IFNG-AS1: variants seen among roughly 807,000 people sequenced by gnomAD.
IFNG-AS1 encodes the protein IFNG regulatory antisense RNA 1.
chr12:68,002,087 A>G (rs1879782006), intron 2 of IFNG-AS1, among the ~76,000 whole-genome samples: 1 of 152,234 alleles, frequency 6.6e-6, no homozygotes, highest in South Asian at 2.1e-4. Flanking sequence ...AATGTTTGAG[A>G]AAAATATTAC....
At chr12:68,014,743 C>T (rs1880107112) in intron 3 of IFNG-AS1, among the ~76,000 whole-genome samples, 1 of 151,992 alleles carries the variant, frequency 6.6e-6, no homozygotes, top group African/African-American at 2.4e-5. Flanking sequence ...CTGGCCAAGC[C>T]TCCACAATCA....
At chr12:68,001,114 T>C (rs1879757430) in intron 2 of IFNG-AS1, among the ~76,000 whole-genome samples, 2 of 152,162 alleles carry the variant, frequency 1.3e-5, no homozygotes, top group Non-Finnish European at 2.9e-5. Context: ...TGCACATACA[T>C]ACAAACACAC....
intron 3 of IFNG-AS1, chr12:68,013,504 C>T (rs1283023042): frequency 6.6e-6 from 1 of 152,168 alleles, no homozygotes; most frequent in South Asian, 2.1e-4. Flanking sequence ...TTAATTTCAC[C>T]TACTGATCTA....
At chr12:67,997,594 G>T (rs180696628) in intron 2 of IFNG-AS1, among the ~76,000 whole-genome samples, 89 of 151,064 alleles carry the variant, frequency 5.9e-4, no homozygotes, top group East Asian at 4.8e-3. Context: ...TATAGGGAAA[G>T]ATTTTCTAAC....
intron 1 of IFNG-AS1, among the ~76,000 whole-genome samples, chr12:67,989,759 G>T (rs71452366): frequency 6.6e-6 from 1 of 152,176 alleles, no homozygotes; most frequent in African/African-American, 2.4e-5. Flanking sequence ...GGGTGGAGAG[G>T]AGGAAGGAGA....
chr12:67,993,237 C>T (rs1282417241), intron 1 of IFNG-AS1, among the ~76,000 whole-genome samples: 1 of 152,138 alleles, frequency 6.6e-6, no homozygotes, highest in Non-Finnish European at 1.5e-5. Flanking sequence ...GAAAATCACC[C>T]TCTGTTTTTT....
At chr12:68,006,182 A>C (rs1379992871) in intron 3 of IFNG-AS1, 1 of 152,252 alleles carries the variant, frequency 6.6e-6, no homozygotes, top group Non-Finnish European at 1.5e-5. Flanking sequence ...TCACACACTA[A>C]GGAATTTGAT....
intron 1 of IFNG-AS1, among the ~76,000 whole-genome samples, chr12:67,992,671 T>C (rs914490782): frequency 2.6e-5 from 4 of 152,232 alleles, no homozygotes; most frequent in Admixed American, 6.5e-5. Flanking sequence ...TCTCTATTTC[T>C]CTTGCTGCAT....
At chr12:68,008,902 T>C (rs567313511) in intron 3 of IFNG-AS1, among the ~76,000 whole-genome samples, 3 of 152,314 alleles carry the variant, frequency 2.0e-5, no homozygotes, top group South Asian at 2.1e-4. Context: ...GAAGAGGCAG[T>C]AGATTTCAGT....
chr12:67,998,781 G>GTATTAT (rs1421537561), intron 2 of IFNG-AS1, among the ~76,000 whole-genome samples: 2 of 152,048 alleles, frequency 1.3e-5, no homozygotes, highest in African/African-American at 4.8e-5. Flanking sequence ...GAAATCCAAT[G>GTATTAT]TATTATTATA....
intron 1 of IFNG-AS1, among the ~76,000 whole-genome samples, chr12:67,994,692 G>A (rs1433055695): frequency 6.6e-6 from 1 of 152,182 alleles, no homozygotes; most frequent in Admixed American, 6.5e-5. Flanking sequence ...AACATCTAGG[G>A]ATCTTATCTG....
chr12:68,013,115 C>A (rs1041187855), intron 3 of IFNG-AS1, among the ~76,000 whole-genome samples: 1 of 152,198 alleles, frequency 6.6e-6, no homozygotes, highest in Non-Finnish European at 1.5e-5. Flanking sequence ...GGGATTGATT[C>A]AAAAACCCGT....
At chr12:68,014,515 G>A (rs2120472813) in intron 3 of IFNG-AS1, among the ~76,000 whole-genome samples, 1 of 152,204 alleles carries the variant, frequency 6.6e-6, no homozygotes, top group South Asian at 2.1e-4. Flanking sequence ...TCATATTGTG[G>A]TTTTGATATT....
intron 3 of IFNG-AS1, among the ~76,000 whole-genome samples, chr12:68,017,836 T>C (rs78818082): frequency 0.02 from 2,991 of 152,246 alleles, 103 homozygotes; most frequent in African/African-American, 0.068. Context: ...GAACTGGCCA[T>C]ATCACTGGGA....
chr12:68,013,144 T>G (rs1050329363), intron 3 of IFNG-AS1, among the ~76,000 whole-genome samples: 1 of 152,258 alleles, frequency 6.6e-6, no homozygotes, highest in African/African-American at 2.4e-5. Flanking sequence ...GAATATATCA[T>G]TATCCAATTT....
chr12:67,997,612 C>A (rs1243045127), intron 2 of IFNG-AS1, among the ~76,000 whole-genome samples: 1 of 150,492 alleles, frequency 6.6e-6, no homozygotes, highest in Non-Finnish European at 1.5e-5. Context: ...AACCATGACT[C>A]AAAATCCAGA....
At chr12:68,002,024 G>T (rs1207312802) in intron 2 of IFNG-AS1, among the ~76,000 whole-genome samples, 8 of 152,136 alleles carry the variant, frequency 5.3e-5, no homozygotes, top group Non-Finnish European at 1.0e-4. Flanking sequence ...ATTGATTTAG[G>T]TTAAACATTG....
chr12:67,995,678 C>A (rs1462867518), intron 1 of IFNG-AS1, among the ~76,000 whole-genome samples: 1 of 143,592 alleles, frequency 7.0e-6, no homozygotes. Context: ...GCCAAGATTG[C>A]GCCACTGCAC....
intron 1 of IFNG-AS1, among the ~76,000 whole-genome samples, chr12:67,993,745 C>T (rs1426233899): frequency 6.6e-6 from 1 of 152,120 alleles, no homozygotes; most frequent in Non-Finnish European, 1.5e-5. Flanking sequence ...AAGACATAGT[C>T]TTATAGTATG....
Sources: allele counts gnomAD v4.1 joint callset (sites outside exome capture counted in the v4.1 genomes callset), GRCh38; gene constraint gnomAD v4.1.1; transcripts MANE v1.5; gene names NCBI Gene and HGNC (gene_info 2026-07-23, HGNC 2026-07-21).